DEK: variants seen among roughly 807,000 people sequenced by gnomAD.
DEK encodes DEK proto-oncogene.
Under a neutral mutation model 46.8 loss-of-function variants are expected in DEK, and 28 were observed. The ratio of observed to expected loss-of-function variants is 0.60; its 90% CI spans 0.44 to 0.82. The LOEUF (loss-of-function observed/expected upper bound fraction) is 0.82. Among genes scored for constraint, DEK ranks in the 40% least tolerant of loss-of-function variants. The probability of loss-of-function intolerance (pLI) is 0.00; values close to 1 mark genes in which losing one functional copy is unlikely to be tolerated. For missense variants in DEK, 416 were observed against 430.6 expected, an observed-to-expected ratio of 0.97 and a Z score of 0.30; for synonymous variants, 160 against 144.5, an observed-to-expected ratio of 1.11 and a Z score of -0.77.
rs61626818 is a variant in DEK, at chr6:18,252,509, C to CAAAAAAAAAAAA, written c.574-2682_574-2671dup. Among the ~76,000 whole-genome samples, 15 of 29,138 alleles carry CAAAAAAAAAAAA rather than the reference C, an allele frequency of 5.1e-4. 2 individuals are homozygous for CAAAAAAAAAAAA. Among genetic ancestry groups the CAAAAAAAAAAAA allele is most frequent in the Non-Finnish European group, 6.4e-4 (10 of 15,540 alleles). 19.1% of individuals were successfully genotyped at this position (29,138 alleles called of 152,430 possible). The stretch of plus-strand genomic sequence containing the variant: ...AGGCAACAGAGTAAAACGCTGTCTC[C>CAAAAAAAAAAAA]AAAAAAAAAAAAAAAAAAAAAAAAA... On this transcript the variant is annotated intron_variant, in intron 6 of 10. Transcript: ENST00000652689.
At chr6:18,245,912 T>C (rs1207381781) in intron 7 of DEK, among the ~76,000 whole-genome samples, 1 of 152,234 alleles carries the variant, frequency 6.6e-6, no homozygotes, top group Non-Finnish European at 1.5e-5. Context: ...AGTGAAACAG[T>C]CTCACCAGAT....
chr6:18,246,811 A>C (rs1452335574), intron 7 of DEK, among the ~76,000 whole-genome samples: 1 of 152,232 alleles, frequency 6.6e-6, no homozygotes, highest in East Asian at 1.9e-4. Flanking sequence ...AAACTGAACA[A>C]AGTAAAATCA....
At chr6:18,255,665 ATT>A (rs1005733739) in intron 6 of DEK, 64 bp downstream of exon 6, 6 of 1,531,044 alleles carry the variant, frequency 3.9e-6, no homozygotes, top group African/African-American at 2.8e-5. Flanking sequence ...TTATTAATCA[ATT>A]TTTGTTTCAT....
At chr6:18,235,680 G>GA (rs2151080700) in intron 9 of DEK, among the ~76,000 whole-genome samples, 1 of 152,238 alleles carries the variant, frequency 6.6e-6, no homozygotes, top group African/African-American at 2.4e-5. Context: ...GTAGAGACGG[G>GA]ATCTCACTAT....
At chr6:18,259,002 T>C (rs889395907) in intron 2 of DEK, among the ~76,000 whole-genome samples, 2 of 152,158 alleles carry the variant, frequency 1.3e-5, no homozygotes, top group African/African-American at 2.4e-5. Context: ...TTCCTAATGA[T>C]GACCATAAGT....
chr6:18,230,101 A>G (rs1373656351), intron 9 of DEK, among the ~76,000 whole-genome samples: 1 of 152,214 alleles, frequency 6.6e-6, no homozygotes, highest in Non-Finnish European at 1.5e-5. Context: ...AGAATTTTCA[A>G]CCCAGAATTT....
chr6:18,259,430 A>AAAAAAAAAAAAAAAAT (rs1554162685), intron 2 of DEK, among the ~76,000 whole-genome samples: 6 of 96,742 alleles, frequency 6.2e-5, no homozygotes, highest in East Asian at 4.4e-4. Context: ...AAAAAAAAAA[A>AAAAAAAAAAAAAAAAT]AAATCTAGAA....
intron 7 of DEK, among the ~76,000 whole-genome samples, chr6:18,243,273 T>G (rs1476222039): frequency 3.3e-5 from 5 of 152,198 alleles, no homozygotes; most frequent in Non-Finnish European, 7.4e-5. Context: ...TTGCAGTTGC[T>G]AATAAATGCT....
At chr6:18,252,552 C>T (rs1007947608) in intron 6 of DEK, among the ~76,000 whole-genome samples, 2 of 145,652 alleles carry the variant, frequency 1.4e-5, no homozygotes, top group East Asian at 2.0e-4. Flanking sequence ...AGCCTGAGCT[C>T]GATACTATCA....
At chr6:18,262,783 T>C (rs1368519893) in intron 2 of DEK, among the ~76,000 whole-genome samples, 2 of 152,050 alleles carry the variant, frequency 1.3e-5, no homozygotes, top group South Asian at 2.1e-4. Context: ...AAATAACATG[T>C]TGTTAAGCAA....
intron 7 of DEK, among the ~76,000 whole-genome samples, chr6:18,247,371 T>C (rs529816014): frequency 5.3e-5 from 8 of 152,176 alleles, no homozygotes; most frequent in Non-Finnish European, 1.2e-4. Context: ...ATCCCTCTAA[T>C]AAAATATGAT....
chr6:18,227,622 CTT>C (rs1334960714), intron 9 of DEK, among the ~76,000 whole-genome samples: 2 of 152,112 alleles, frequency 1.3e-5, no homozygotes, highest in Admixed American at 1.3e-4. Context: ...TACTTTGTGT[CTT>C]TTTCTTTTCT....
chr6:18,232,944 AACTAT>A (rs1184742185), intron 9 of DEK, among the ~76,000 whole-genome samples: 16 of 152,344 alleles, frequency 1.1e-4, no homozygotes, highest in South Asian at 4.1e-4. Context: ...CCTGACTTCA[AACTAT>A]ACTATAAGGC....
chr6:18,259,298 G>A (rs560725239), intron 2 of DEK, among the ~76,000 whole-genome samples: 1 of 149,756 alleles, frequency 6.7e-6, no homozygotes, highest in Non-Finnish European at 1.5e-5. Flanking sequence ...GGGAGGCTGA[G>A]GCAGGAGAAA....
chr6:18,254,866 TAC>T lies in DEK; in HGVS notation c.573+863_573+864del, dbSNP rs770513154. ...CGTTTGTAGTTGTATAACAAAAGTT[TAC>T]ACTTTAACTGCTGTTTATCTGTCCT... On this transcript the variant is annotated intron_variant, in intron 6 of 10. Coordinates refer to ENST00000652689, the MANE Select transcript of DEK (RefSeq NM_003472.4). Among the ~76,000 whole-genome samples, 136 of 152,354 alleles carry T rather than the reference TAC, an allele frequency of 8.9e-4. 1 individual carries two copies. Among genetic ancestry groups the T allele is most frequent in the Non-Finnish European group, 1.4e-3 (96 of 68,034 alleles).
chr6:18,258,709 C>T (rs965185325), intron 2 of DEK, among the ~76,000 whole-genome samples: 2 of 151,824 alleles, frequency 1.3e-5, no homozygotes, highest in African/African-American at 4.8e-5. Flanking sequence ...CCAGTCACTT[C>T]GTTTGTGAAA....
rs1047479132 is a variant in DEK at position 18,255,952 on chromosome 6, T to C, written c.453-101A>G. The C allele has an allele frequency of 2.9e-6, 4 of 1,372,326 alleles. No individual in the cohort carries two copies. In the African/African-American group the frequency reaches 6.0e-5, roughly 20 times the overall value. 85.0% of individuals were successfully genotyped at this position (1,372,326 alleles called of 1,614,324 possible). A position where few individuals can be genotyped will look rare whatever the true frequency, so the allele number is the denominator to read the frequency against. On this transcript the variant is annotated intron_variant, in intron 5 of 10. Coordinates refer to ENST00000652689, the MANE Select transcript of DEK (RefSeq NM_003472.4). ...AGCCAACCAAATTGGCTCAGTTACA[T>C]ACATTTAAAAAAGTGGCCAATGCTT...
chr6:18,240,766 G>A (rs1162861573), intron 7 of DEK, among the ~76,000 whole-genome samples: 3 of 152,022 alleles, frequency 2.0e-5, no homozygotes, highest in Non-Finnish European at 2.9e-5. Flanking sequence ...GACCAGCCTG[G>A]GCAAAATCAG....
chr6:18,227,281 G>A (rs575869160), intron 9 of DEK, among the ~76,000 whole-genome samples: 464 of 152,244 alleles, frequency 3.0e-3, no homozygotes, highest in Non-Finnish European at 5.4e-3. Context: ...TATAAAACCC[G>A]ATTGTACGTT....
Sources: gnomAD v4.1 joint callset for allele counts (sites outside exome capture counted in the v4.1 genomes callset) on GRCh38, gnomAD v4.1.1 for gene constraint, MANE v1.5 for transcripts, NCBI Gene and HGNC (gene_info 2026-07-23, HGNC 2026-07-21) for gene names.